SMAP1: variants seen among roughly 807,000 people sequenced by gnomAD.
SMAP1 encodes small ArfGAP 1, also known as stromal membrane-associated protein 1.
In SMAP1, 24 loss-of-function variants were observed where a neutral mutation model predicts 58.5. That is an observed-to-expected ratio of 0.41 (90% CI 0.30 to 0.58). The LOEUF is 0.58. SMAP1 is among the 20% of genes least tolerant of loss of function. SMAP1 has a pLI of 0.29. For missense variants in SMAP1, 563 were observed against 566.3 expected (o/e 0.99, Z 0.06); for synonymous variants, 216 against 196.6 (o/e 1.10, Z -0.82).
At chr6:70,692,852 T>G (rs906173296) in intron 1 of SMAP1, among the ~76,000 whole-genome samples, 1 of 151,974 alleles carries the variant, frequency 6.6e-6, no homozygotes. Flanking sequence ...GGCGTGATCT[T>G]GGCTCACTGC....
intron 1 of SMAP1, 150 bp from the exon 2 acceptor site, chr6:70,732,228 C>A: frequency 1.5e-6 from 1 of 670,982 alleles, no homozygotes; most frequent in Non-Finnish European, 2.3e-6. Context: ...TCTTAGCAGA[C>A]TGCCGCCAGT....
At position 70,805,363 on chromosome 6, in the gene SMAP1, G is replaced by C. The variant is rs150876278; in HGVS notation, c.576+6626G>C. On this transcript the variant is annotated intron_variant, in intron 6 of 10. Coordinates refer to ENST00000370455, the MANE Select transcript of SMAP1 (RefSeq NM_001044305.3). ...CTTTCAGCTCCATCAGGTCATTTAA[G>C]GTCTTCTCTACACTGTTTATTCTAG... Among the ~76,000 whole-genome samples, 63 of 152,248 alleles carry C rather than the reference G, an allele frequency of 4.1e-4. No individual in the cohort carries two copies. The East Asian group carries it at 0.012, about 29-fold the overall frequency.
chr6:70,837,130 C>A, intron 7 of SMAP1, 102 bp downstream of exon 7: 4 of 745,980 alleles, frequency 5.4e-6, no homozygotes, highest in Non-Finnish European at 8.0e-6. Flanking sequence ...CCAAAACGTA[C>A]CTGTTAACTG....
intron 3 of SMAP1, among the ~76,000 whole-genome samples, chr6:70,764,577 G>A (rs1042953011): frequency 6.6e-6 from 1 of 152,146 alleles, no homozygotes; most frequent in Admixed American, 6.6e-5. Context: ...ACAGAGCCTG[G>A]GTGACAGCAC....
rs145597064 is a variant in SMAP1, at chr6:70,705,361, C to T, written c.119-27017C>T. On this transcript the variant is annotated intron_variant, in intron 1 of 10. Coordinates refer to ENST00000370455, the MANE Select transcript of SMAP1 (RefSeq NM_001044305.3). Reference sequence around the variant, plus strand: ...CCACCTCCTGGGTTCAAGTGATTCTCCTGCCTCAGCCTCCCAAGTAGTTGG... The same window carrying T: ...CCACCTCCTGGGTTCAAGTGATTCTTCTGCCTCAGCCTCCCAAGTAGTTGG... Among the ~76,000 whole-genome samples the T allele has an allele frequency of 6.3e-3, 962 of 151,776 alleles. 14 individuals carry two copies. The highest frequency in any genetic ancestry group is 0.022 in the African/African-American group (913 of 41,368).
chr6:70,825,975 G>A (rs1359461045), intron 6 of SMAP1, among the ~76,000 whole-genome samples: 1 of 152,196 alleles, frequency 6.6e-6, no homozygotes, highest in African/African-American at 2.4e-5. Flanking sequence ...TAGAGTATGA[G>A]TTTAAGATTA....
At chr6:70,756,991 CT>C (rs1766519945) in intron 3 of SMAP1, among the ~76,000 whole-genome samples, 1 of 152,120 alleles carries the variant, frequency 6.6e-6, no homozygotes, top group African/African-American at 2.4e-5. Context: ...CTACCAATGA[CT>C]TTCTTCACAG....
At chr6:70,681,374 C>T (rs1766704726) in intron 1 of SMAP1, among the ~76,000 whole-genome samples, 1 of 152,154 alleles carries the variant, frequency 6.6e-6, no homozygotes, top group Non-Finnish European at 1.5e-5. Context: ...CTGCAGTGAG[C>T]CGTGATTGTG....
intron 3 of SMAP1, among the ~76,000 whole-genome samples, chr6:70,769,780 T>G (rs1032105061): frequency 1.2e-4 from 19 of 152,222 alleles, no homozygotes; most frequent in Admixed American, 6.5e-4. Flanking sequence ...TATGTGTGAA[T>G]TTGATCCTGT....
chr6:70,837,002 A>T lies in SMAP1; in HGVS notation c.638A>T (p.Glu213Val). The change falls in exon 7 of 11, where the codon GAG becomes GTG. Residue 213 changes from glutamate (E) to valine (V), a missense_variant. Coordinates refer to ENST00000370455, the MANE Select transcript of SMAP1 (RefSeq NM_001044305.3). ...AGTACCAGCCCTAAAAAAGCTGCGGAGCCCACTGTGGATCTTTTAGGACTT... is the reference window on the plus strand; with the variant it reads ...AGTACCAGCCCTAAAAAAGCTGCGGTGCCCACTGTGGATCTTTTAGGACTT... The part of the protein sequence containing the change: ...KKSTSPKKAA[E>V]PTVDLLGLDG... The T allele has an allele frequency of 6.2e-7, 1 of 1,600,660 alleles. No individual in the cohort carries two copies. The highest frequency in any genetic ancestry group is 8.5e-7 in the Non-Finnish European group (1 of 1,174,030).
At chr6:70,706,167 G>A (rs186765175) in intron 1 of SMAP1, among the ~76,000 whole-genome samples, 218 of 152,302 alleles carry the variant, frequency 1.4e-3, no homozygotes, top group Non-Finnish European at 2.4e-3. Flanking sequence ...GATATGTCAA[G>A]GTTTTTGACA....
In SMAP1 at chr6:70,860,283, A is replaced by G; in HGVS notation, c.1353A>G (p.Gly451=). 6.2e-7 allele frequency: 1 copy of G among 1,613,786 alleles called. No homozygotes were observed. ...GFGQPSSTTA[G]WSGSSSGQTL... is the part of the protein sequence containing the mutation. ...GCCAGCCCTCCAGCACAACAGCAGG[A>G]TGGTCTGGAAGCTCATCAGGTCAGA... The change falls in exon 11 of 11, where the codon GGA becomes GGG. Residue 451 remains glycine, a synonymous_variant. Transcript: ENST00000370455.
intron 1 of SMAP1, among the ~76,000 whole-genome samples, chr6:70,705,252 A>ATTT (rs869145071): frequency 7.2e-6 from 1 of 138,054 alleles, no homozygotes; most frequent in South Asian, 2.3e-4. Context: ...GTTCATTATG[A>ATTT]TTTTTTTTTT....
intron 6 of SMAP1, among the ~76,000 whole-genome samples, chr6:70,833,494 G>A (rs566563313): frequency 6.6e-6 from 1 of 152,254 alleles, no homozygotes; most frequent in South Asian, 2.1e-4. Context: ...CAACTCTAAG[G>A]ATAATTCATG....
chr6:70,737,508 CT>C (rs1213133504), intron 2 of SMAP1, among the ~76,000 whole-genome samples: 1 of 152,176 alleles, frequency 6.6e-6, no homozygotes, highest in African/African-American at 2.4e-5. Context: ...TAAAGCCCAG[CT>C]TAAATCTCTA....
chr6:70,809,564 G>A (rs1769297857), intron 6 of SMAP1, among the ~76,000 whole-genome samples: 1 of 152,124 alleles, frequency 6.6e-6, no homozygotes, highest in African/African-American at 2.4e-5. Flanking sequence ...TAGATTGATA[G>A]GTTATGTTGT....
In SMAP1 at chr6:70,792,627, A is replaced by G. The variant is rs78913384; in HGVS notation, c.495+858A>G. Among the ~76,000 whole-genome samples the G allele has an allele frequency of 5.9e-3, 904 of 152,212 alleles. 47 individuals carry two copies. In the East Asian group the frequency reaches 0.1, roughly 17 times the overall value. On this transcript the variant is annotated intron_variant, in intron 5 of 10. Coordinates refer to ENST00000370455, the MANE Select transcript of SMAP1 (RefSeq NM_001044305.3). ...TGAATAAGCATTAGATATAAGGGGA[A>G]GGATTAGGAAGAATTCCATACATGG...
intron 6 of SMAP1, among the ~76,000 whole-genome samples, chr6:70,809,486 C>A (rs1054592851): frequency 3.1e-4 from 47 of 152,096 alleles, no homozygotes; most frequent in Non-Finnish European, 6.3e-4. Context: ...GTAAAAGTGA[C>A]AACCACTTGT....
At chr6:70,794,421 A>G (rs1768507557) in intron 5 of SMAP1, among the ~76,000 whole-genome samples, 1 of 152,138 alleles carries the variant, frequency 6.6e-6, no homozygotes, top group South Asian at 2.1e-4. Flanking sequence ...GGTGACAGCT[A>G]TATTTTTATT....
Sources: allele counts gnomAD v4.1 joint callset (sites outside exome capture counted in the v4.1 genomes callset), GRCh38; gene constraint gnomAD v4.1.1; transcripts MANE v1.5; gene names NCBI Gene and HGNC (gene_info 2026-07-23, HGNC 2026-07-21).